Variants in COL4A4 observed in about 807,000 individuals in gnomAD.
COL4A4 encodes the protein collagen alpha-4(IV) chain.
Under a neutral mutation model 192.9 loss-of-function variants are expected in COL4A4, and 105 were observed. That is an observed-to-expected ratio of 0.54 (90% CI 0.46 to 0.64). The LOEUF is 0.64. Among genes scored for constraint, COL4A4 ranks in the 30% least tolerant of loss-of-function variants. The pLI is 0.00. For synonymous variants in COL4A4, 762 were observed against 769.9 expected, an observed-to-expected ratio of 0.99 and a Z score of 0.17; for missense variants, 1,967 against 2,169.3, an observed-to-expected ratio of 0.91 and a Z score of 1.85.
intron 4 of COL4A4, among the ~76,000 whole-genome samples, chr2:227,125,093 C>T (rs2062008091): frequency 6.6e-6 from 1 of 151,850 alleles, no homozygotes; most frequent in Non-Finnish European, 1.5e-5. Context: ...GGGAAGTTTG[C>T]AGAGGGGAAA....
At chr2:227,026,106 AT>A (rs1389566924) in intron 42 of COL4A4, among the ~76,000 whole-genome samples, 1 of 152,132 alleles carries the variant, frequency 6.6e-6, no homozygotes, top group Non-Finnish European at 1.5e-5. Context: ...ATATCCTCTA[AT>A]TTAATGCATG....
rs3769646 is a variant in COL4A4 at position 227,031,614 on chromosome 2, C to T, written c.3817+331G>A. Among the ~76,000 whole-genome samples the T allele has an allele frequency of 0.47, 71,093 of 151,964 alleles. 16,867 individuals are homozygous for T. Among genetic ancestry groups the T allele is most frequent in the South Asian group, 0.56 (2,722 of 4,818 alleles). Reference sequence around the variant, plus strand: ...TTGCTAGAGACCAACAAGGAGGGTGCGATTCCCACTTGCCACCCACTTCTG... The same window carrying T: ...TTGCTAGAGACCAACAAGGAGGGTGTGATTCCCACTTGCCACCCACTTCTG... On this transcript the variant is annotated intron_variant, in intron 40 of 47. Transcript: ENST00000396625.
intron 37 of COL4A4, among the ~76,000 whole-genome samples, chr2:227,041,718 AGG>A (rs1345346625): frequency 1.2e-3 from 112 of 91,112 alleles, no homozygotes; most frequent in African/African-American, 5.3e-3. Context: ...GAAGGAAGGG[AGG>A]AGGAAGGAAG....
intron 1 of COL4A4, among the ~76,000 whole-genome samples, chr2:227,161,029 C>G (rs2064790877): frequency 1.3e-5 from 2 of 152,200 alleles, no homozygotes; most frequent in Admixed American, 1.3e-4. Context: ...TATCTTGTAT[C>G]TCATTAAAAG....
the COL4A4 span, chr2:226,995,351 T>C: frequency 1.2e-6 from 1 of 850,970 alleles, no homozygotes; most frequent in Non-Finnish European, 2.0e-6. Flanking sequence ...AAGCTATCAC[T>C]TTGTTCCCTT....
intron 26 of COL4A4, among the ~76,000 whole-genome samples, chr2:227,061,442 C>T (rs1977019088): frequency 6.6e-6 from 1 of 152,166 alleles, no homozygotes; most frequent in African/African-American, 2.4e-5. Flanking sequence ...TTTCTGCAAT[C>T]ACATGAGAAA....
At chr2:227,009,418 C>A (rs1963014486) in intron 46 of COL4A4, among the ~76,000 whole-genome samples, 1 of 152,098 alleles carries the variant, frequency 6.6e-6, no homozygotes, top group Admixed American at 6.5e-5. Context: ...TGAAAATTGG[C>A]AAGGGCTGGG....
intron 43 of COL4A4, among the ~76,000 whole-genome samples, chr2:227,025,185 G>A (rs931498319): frequency 6.6e-6 from 1 of 152,154 alleles, no homozygotes; most frequent in African/African-American, 2.4e-5. Flanking sequence ...TAATAACAGA[G>A]GCCTGGAAAG....
chr2:226,972,427 C>T, the COL4A4 span, among the ~76,000 whole-genome samples: 1 of 152,204 alleles, frequency 6.6e-6, no homozygotes, highest in South Asian at 2.1e-4. Context: ...GAGCCATCCT[C>T]CTCTTTCTCA....
intron 12 of COL4A4, among the ~76,000 whole-genome samples, chr2:227,105,398 G>A (rs2060784308): frequency 6.6e-6 from 1 of 151,944 alleles, no homozygotes; most frequent in Non-Finnish European, 1.5e-5. Context: ...CGCCATGTTG[G>A]CCAGGCTGGT....
chr2:227,114,775 A>C (rs1046366125), intron 7 of COL4A4, 79 bp from the exon 8 acceptor site: 1 of 1,133,252 alleles, frequency 8.8e-7, no homozygotes, highest in African/African-American at 1.6e-5. Flanking sequence ...TATAAAATAT[A>C]ACTCATCAGT....
the COL4A4 span, among the ~76,000 whole-genome samples, chr2:226,974,750 A>T: frequency 6.6e-6 from 1 of 151,968 alleles, no homozygotes; most frequent in Non-Finnish European, 1.5e-5. Flanking sequence ...CAGGGTGGAT[A>T]CTCCCTGCAG....
intron 16 of COL4A4, 104 bp from the exon 17 acceptor site, chr2:227,101,661 A>G: frequency 8.1e-7 from 1 of 1,232,746 alleles, no homozygotes. Flanking sequence ...GAGACCATGC[A>G]AAGTCTTAAC....
intron 21 of COL4A4, 96 bp downstream of exon 21, chr2:227,089,772 A>C: frequency 9.8e-7 from 1 of 1,016,720 alleles, no homozygotes; most frequent in Non-Finnish European, 1.5e-6. Flanking sequence ...GTGAGTAACA[A>C]ATCTGAATGA....
At chr2:227,076,569 C>T (rs2059034150) in intron 25 of COL4A4, among the ~76,000 whole-genome samples, 1 of 152,130 alleles carries the variant, frequency 6.6e-6, no homozygotes, top group South Asian at 2.1e-4. Flanking sequence ...TCATTCAGGA[C>T]ATAGGCATGG....
intron 3 of COL4A4, among the ~76,000 whole-genome samples, chr2:227,141,012 A>G (rs1204001881): frequency 6.6e-6 from 1 of 152,160 alleles, no homozygotes; most frequent in East Asian, 1.9e-4. Context: ...GCATAGTCCC[A>G]GAGTACTATT....
At position 227,161,821 on chromosome 2, in the gene COL4A4, C is replaced by G. The variant is rs549077850; in HGVS notation, c.-102+2186G>C. Among the ~76,000 whole-genome samples, 59 of 152,228 alleles carry G rather than the reference C, an allele frequency of 3.9e-4. 1 individual carries two copies. The highest frequency in any genetic ancestry group is 1.4e-3 in the African/African-American group (59 of 41,542). On this transcript the variant is annotated intron_variant, in intron 1 of 47. Coordinates refer to ENST00000396625, the MANE Select transcript of COL4A4 (RefSeq NM_000092.5). ...TCTAGAGGCCTTGGAAGTGTATTAA[C>G]CTCAAGGGAGTTCATAGGCTATGCT... is the stretch of plus-strand genomic sequence containing the variant.
At chr2:227,012,638 A>AAAAAC (rs1380536290) in intron 44 of COL4A4, among the ~76,000 whole-genome samples, 2 of 151,928 alleles carry the variant, frequency 1.3e-5, no homozygotes, top group Admixed American at 6.6e-5. Context: ...ACTTCAAAAA[A>AAAAAC]AAAAAAAAAA....
chr2:227,059,876 A>G (rs1976456060), intron 27 of COL4A4, among the ~76,000 whole-genome samples: 1 of 152,264 alleles, frequency 6.6e-6, no homozygotes, highest in Non-Finnish European at 1.5e-5. Context: ...TGGACTGAGT[A>G]GTTTCAACAA....
Sources: gnomAD v4.1 joint callset for allele counts (sites outside exome capture counted in the v4.1 genomes callset) on GRCh38, gnomAD v4.1.1 for gene constraint, MANE v1.5 for transcripts, NCBI Gene and HGNC (gene_info 2026-07-23, HGNC 2026-07-21) for gene names.